The following CCDC178 variants were observed in gnomAD, a reference collection of about 807,000 sequenced individuals.
The protein encoded by CCDC178 is coiled-coil domain-containing protein 178.
In CCDC178, 126 loss-of-function variants were observed where a neutral mutation model predicts 117.4. The ratio of observed to expected loss-of-function variants is 1.07; its 90% CI spans 0.93 to 1.24. The LOEUF (loss-of-function observed/expected upper bound fraction) is 1.24. Among genes scored for constraint, CCDC178 ranks in the 50% most tolerant of loss-of-function variants. CCDC178 has a pLI of 0.00. For synonymous variants in CCDC178, 283 were observed against 313.4 expected, an observed-to-expected ratio of 0.90 and a Z score of 1.02; for missense variants, 1,030 against 986.9, an observed-to-expected ratio of 1.04 and a Z score of -0.59.
rs574184545 is a variant in CCDC178 at position 32,941,175 on chromosome 18, T to A, written c.2524-3084A>T. ...AACTTAACTCTGCAGATCTGTAATG[T>A]GACATGCAATTAATGCTCTATGAGC... On this transcript the variant is annotated intron_variant, in intron 22 of 22. Coordinates refer to ENST00000383096, the MANE Select transcript of CCDC178 (RefSeq NM_001105528.4). Among the ~76,000 whole-genome samples the A allele has an allele frequency of 3.2e-3, 488 of 152,144 alleles. 4 individuals carry two copies. Among genetic ancestry groups the A allele is most frequent in the African/African-American group, 0.011 (467 of 41,526 alleles).
At chr18:33,094,863 A>T (rs1219471717) in intron 20 of CCDC178, among the ~76,000 whole-genome samples, 3 of 152,000 alleles carry the variant, frequency 2.0e-5, no homozygotes, top group Non-Finnish European at 4.4e-5. Flanking sequence ...AGTAATGAAT[A>T]TATGAAGGAT....
At chr18:32,945,771 T>C (rs553643254) in intron 22 of CCDC178, among the ~76,000 whole-genome samples, 2 of 152,290 alleles carry the variant, frequency 1.3e-5, no homozygotes, top group African/African-American at 4.8e-5. Context: ...GTCTTGTTTT[T>C]ACCATGTTCA....
intron 21 of CCDC178, among the ~76,000 whole-genome samples, chr18:33,011,332 CT>C (rs1454073970): frequency 6.6e-6 from 1 of 152,078 alleles, no homozygotes; most frequent in Non-Finnish European, 1.5e-5. Context: ...AAGCTTCATC[CT>C]TTTTTCTGCA....
At chr18:33,159,644 GT>G (rs2058440263) in intron 20 of CCDC178, among the ~76,000 whole-genome samples, 1 of 151,966 alleles carries the variant, frequency 6.6e-6, no homozygotes, top group Non-Finnish European at 1.5e-5. Context: ...ATAGATCCGG[GT>G]AATCCCCTTA....
intron 12 of CCDC178, among the ~76,000 whole-genome samples, chr18:33,283,447 G>A (rs561808521): frequency 6.6e-6 from 1 of 152,264 alleles, no homozygotes; most frequent in East Asian, 1.9e-4. Flanking sequence ...TTTCTGCACA[G>A]CAAGAGAAAG....
chr18:33,381,385 T>A (rs903936648), intron 5 of CCDC178, among the ~76,000 whole-genome samples: 1 of 152,020 alleles, frequency 6.6e-6, no homozygotes, highest in Non-Finnish European at 1.5e-5. Flanking sequence ...TACTCTGGTT[T>A]TATATATATA....
intron 2 of CCDC178, among the ~76,000 whole-genome samples, chr18:33,415,142 G>C (rs1187685150): frequency 1.3e-5 from 2 of 152,194 alleles, no homozygotes; most frequent in African/African-American, 4.8e-5. Context: ...AGATAGCGTG[G>C]TGATTCCTCA....
At chr18:32,993,931 T>C (rs945233177) in intron 21 of CCDC178, among the ~76,000 whole-genome samples, 1 of 152,176 alleles carries the variant, frequency 6.6e-6, no homozygotes, top group Non-Finnish European at 1.5e-5. Context: ...ATTATGCCTA[T>C]TGAACCAACA....
intron 2 of CCDC178, among the ~76,000 whole-genome samples, chr18:33,435,264 A>G (rs2064272798): frequency 6.6e-6 from 1 of 152,186 alleles, no homozygotes; most frequent in Admixed American, 6.5e-5. Flanking sequence ...AAAATTAAAA[A>G]TACAGTTCCT....
rs2054836713 is a variant in CCDC178, at chr18:32,967,384, A to T, written c.2523+7163T>A. Among the ~76,000 whole-genome samples the T allele has an allele frequency of 8.6e-5, 13 of 151,614 alleles. No individual in the cohort carries two copies. In the South Asian group the frequency reaches 2.7e-3, roughly 31 times the overall value. Reference sequence around the variant, plus strand: ...TGTTGTCATGTGCATTACGTTCAGGATTGATGTCTTAGACTATATCTTTTA... The same window carrying T: ...TGTTGTCATGTGCATTACGTTCAGGTTTGATGTCTTAGACTATATCTTTTA... On this transcript the variant is annotated intron_variant, in intron 22 of 22. Transcript: ENST00000383096.
chr18:33,400,615 T>C (rs2063697091), intron 3 of CCDC178, among the ~76,000 whole-genome samples: 1 of 152,214 alleles, frequency 6.6e-6, no homozygotes, highest in Non-Finnish European at 1.5e-5. Context: ...TCTTAGCCTT[T>C]ATAGAACTGA....
At chr18:33,317,070 A>G (rs1178452848) in intron 11 of CCDC178, among the ~76,000 whole-genome samples, 1 of 152,124 alleles carries the variant, frequency 6.6e-6, no homozygotes, top group Non-Finnish European at 1.5e-5. Context: ...AGAGAATAAA[A>G]TCAGGCTGCC....
chr18:33,149,669 C>G (rs957456293), intron 20 of CCDC178, among the ~76,000 whole-genome samples: 5 of 152,160 alleles, frequency 3.3e-5, no homozygotes. Flanking sequence ...CTTCCCTCCT[C>G]CACCCATTAA....
chr18:32,982,312 T>C (rs1204563969), intron 21 of CCDC178, among the ~76,000 whole-genome samples: 1 of 152,096 alleles, frequency 6.6e-6, no homozygotes, highest in Non-Finnish European at 1.5e-5. Flanking sequence ...ATCACAACAG[T>C]CTTTTTAATT....
chr18:33,135,978 G>T lies in CCDC178; in HGVS notation c.2239-43068C>A, dbSNP rs551451875. 115 of 152,240 alleles carry T rather than the reference G, an allele frequency of 7.6e-4. 1 individual carries two copies. The highest frequency in any genetic ancestry group is 2.7e-3 in the African/African-American group (111 of 41,538). 9.4% of individuals were successfully genotyped at this position (152,240 alleles called of 1,614,324 possible). A position where few individuals can be genotyped will look rare whatever the true frequency, so the allele number is the denominator to read the frequency against. ...CCCTTTAGAATTTTTATACCAGTCT[G>T]TACAAATGACTGTTTTATAAATCTA... On this transcript the variant is annotated intron_variant, in intron 20 of 22. Coordinates refer to ENST00000383096, the MANE Select transcript of CCDC178 (RefSeq NM_001105528.4).
chr18:32,980,380 G>C (rs913710106), intron 21 of CCDC178, among the ~76,000 whole-genome samples: 1 of 151,454 alleles, frequency 6.6e-6, no homozygotes, highest in Non-Finnish European at 1.5e-5. Context: ...TCAGGAGATC[G>C]AGACCACGGT....
intron 22 of CCDC178, among the ~76,000 whole-genome samples, chr18:32,971,267 C>T (rs187816959): frequency 1.1e-3 from 167 of 151,860 alleles, no homozygotes; most frequent in African/African-American, 3.8e-3. Context: ...AGTGATAACA[C>T]ACGGTGTTTG....
At chr18:33,306,402 T>C (rs561739098) in intron 11 of CCDC178, among the ~76,000 whole-genome samples, 44 of 127,626 alleles carry the variant, frequency 3.4e-4, no homozygotes, top group African/African-American at 1.2e-3. Context: ...AGGTAACAGC[T>C]ATTGGATCTT....
At chr18:33,205,797 T>C (rs2059039350) in intron 20 of CCDC178, among the ~76,000 whole-genome samples, 1 of 152,166 alleles carries the variant, frequency 6.6e-6, no homozygotes, top group Non-Finnish European at 1.5e-5. Context: ...CGGGCTCAGG[T>C]GATCCTCCCA....
Sources: gnomAD v4.1 joint callset for allele counts (sites outside exome capture counted in the v4.1 genomes callset) on GRCh38, gnomAD v4.1.1 for gene constraint, MANE v1.5 for transcripts, NCBI Gene and HGNC (gene_info 2026-07-23, HGNC 2026-07-21) for gene names.